The following PTPRD variants were observed in gnomAD, a reference collection of about 807,000 sequenced individuals.
The protein encoded by PTPRD is protein tyrosine phosphatase receptor type D, also known as receptor-type tyrosine-protein phosphatase delta.
In PTPRD, 34 loss-of-function variants were observed where a neutral mutation model predicts 214.5. The observed-to-expected ratio is 0.16, with a 90% CI of 0.12 to 0.21. The LOEUF (loss-of-function observed/expected upper bound fraction) is 0.21. Among genes scored for constraint, PTPRD ranks in the 10% least tolerant of loss-of-function variants. The pLI is 1.00. For synonymous variants in PTPRD, 1,128 were observed against 845.7 expected (o/e 1.33, Z -5.79); for missense variants, 2,545 against 2,398.7 (o/e 1.06, Z -1.27).
intron 9 of PTPRD, among the ~76,000 whole-genome samples, chr9:9,391,725 A>T (rs988677683): frequency 6.6e-6 from 1 of 152,152 alleles, no homozygotes; most frequent in Admixed American, 6.5e-5. Flanking sequence ...TTAAGTAGTA[A>T]AACCAAACTC....
intron 3 of PTPRD, among the ~76,000 whole-genome samples, chr9:10,122,779 C>T (rs2098786578): frequency 6.6e-6 from 1 of 152,134 alleles, no homozygotes; most frequent in South Asian, 2.1e-4. Context: ...ACGAAAGGGA[C>T]CTAAACCATA....
chr9:9,348,935 C>T (rs2050007239), intron 9 of PTPRD, among the ~76,000 whole-genome samples: 1 of 152,020 alleles, frequency 6.6e-6, no homozygotes, highest in Non-Finnish European at 1.5e-5. Flanking sequence ...TTAATTAATT[C>T]AGGAGACTAA....
chr9:8,768,738 T>C (rs915117070), intron 11 of PTPRD, among the ~76,000 whole-genome samples: 2 of 152,148 alleles, frequency 1.3e-5, no homozygotes, highest in Non-Finnish European at 2.9e-5. Context: ...CATAAAGATA[T>C]AGTCCAAAAC....
chr9:10,016,402 T>C (rs1297958288), intron 4 of PTPRD, among the ~76,000 whole-genome samples: 21 of 146,224 alleles, frequency 1.4e-4, no homozygotes, highest in Admixed American at 2.7e-4. Context: ...GATAGACAGA[T>C]AGATAGGGAA....
At chr9:8,408,205 G>A (rs898773796) in intron 35 of PTPRD, among the ~76,000 whole-genome samples, 10 of 152,108 alleles carry the variant, frequency 6.6e-5, no homozygotes, top group Non-Finnish European at 1.5e-4. Flanking sequence ...TGTATTTTCG[G>A]TCAGTCCACC....
chr9:9,449,725 G>A lies in PTPRD; in HGVS notation c.-236-52243C>T, dbSNP rs190543248. Among the ~76,000 whole-genome samples, 508 of 151,778 alleles carry A rather than the reference G, an allele frequency of 3.3e-3. 5 individuals are homozygous for A. The highest frequency in any genetic ancestry group is 0.011 in the African/African-American group (464 of 41,468). ...GACATAACCTCAATTATATCTTATA[G>A]CAGTCATTCTTTTTTTTTAAATTTC... On this transcript the variant is annotated intron_variant, in intron 8 of 45. Coordinates refer to ENST00000381196, the MANE Select transcript of PTPRD (RefSeq NM_002839.4).
intron 11 of PTPRD, among the ~76,000 whole-genome samples, chr9:8,785,308 G>A (rs978404713): frequency 6.6e-6 from 1 of 152,232 alleles, no homozygotes; most frequent in Non-Finnish European, 1.5e-5. Context: ...GATGTTAAGA[G>A]TTAGTGCAAA....
chr9:10,490,330 A>G (rs1015825342), intron 2 of PTPRD, among the ~76,000 whole-genome samples: 3 of 152,192 alleles, frequency 2.0e-5, no homozygotes, highest in Non-Finnish European at 4.4e-5. Context: ...GACAACTAAT[A>G]TATATTTACC....
chr9:8,750,596 G>T (rs10117610), intron 11 of PTPRD, among the ~76,000 whole-genome samples: 19 of 152,274 alleles, frequency 1.2e-4, no homozygotes, highest in Middle Eastern at 3.4e-3. Context: ...CCTAGAGAAG[G>T]GTGGGGCATG....
chr9:10,335,831 G>A (rs11793577), intron 3 of PTPRD, among the ~76,000 whole-genome samples: 1 of 151,756 alleles, frequency 6.6e-6, no homozygotes, highest in Non-Finnish European at 1.5e-5. Context: ...CGGCAAATAA[G>A]CATGTGAAAA....
At chr9:10,162,245 C>T (rs1431577434) in intron 3 of PTPRD, among the ~76,000 whole-genome samples, 1 of 151,394 alleles carries the variant, frequency 6.6e-6, no homozygotes, top group African/African-American at 2.4e-5. Flanking sequence ...ATGTACATTC[C>T]TCATTTACTG....
rs72696634 is a variant in PTPRD, at chr9:8,547,631, G to A, written c.353-18852C>T. Among the ~76,000 whole-genome samples, 322 of 141,868 alleles carry A rather than the reference G, an allele frequency of 2.3e-3. 1 individual carries two copies. The highest frequency in any genetic ancestry group is 4.0e-3 in the Non-Finnish European group (268 of 66,322). 93.1% of individuals were successfully genotyped at this position (141,868 alleles called of 152,430 possible). A position where few individuals can be genotyped will look rare whatever the true frequency, so the allele number is the denominator to read the frequency against. ...GCACTCCAGCCTGCGTGATGAGGTGGAATCCTATTTAAAAAAAAAAAAAAA... is the reference window on the plus strand; with the variant it reads ...GCACTCCAGCCTGCGTGATGAGGTGAAATCCTATTTAAAAAAAAAAAAAAA... On this transcript the variant is annotated intron_variant, in intron 14 of 45. Transcript: ENST00000381196.
chr9:9,154,761 A>C (rs1183541750), intron 10 of PTPRD, among the ~76,000 whole-genome samples: 1 of 152,180 alleles, frequency 6.6e-6, no homozygotes, highest in Non-Finnish European at 1.5e-5. Context: ...AGAAGAGTGT[A>C]ATCTGGTGTA....
intron 9 of PTPRD, among the ~76,000 whole-genome samples, chr9:9,233,894 G>A (rs1411786653): frequency 1.3e-5 from 2 of 152,128 alleles, no homozygotes; most frequent in Non-Finnish European, 2.9e-5. Flanking sequence ...TGCTTTTATG[G>A]GCTGGCATTG....
rs79186972 is a variant in PTPRD, at chr9:8,320,774, A to G, written c.5535-808T>C. On this transcript the variant is annotated intron_variant, in intron 44 of 45. Transcript: ENST00000381196. ...TCTCTGTTGTCTTCATTGTTTTAAG[A>G]TAACTCCAGAATCTTCACGGTAGCA... 5.6e-3 allele frequency among the ~76,000 whole-genome samples: 850 copies of G among 152,180 alleles called. 11 individuals carry two copies. Among genetic ancestry groups the G allele is most frequent in the African/African-American group, 0.019 (798 of 41,554 alleles).
intron 2 of PTPRD, among the ~76,000 whole-genome samples, chr9:10,484,894 G>C (rs910970688): frequency 2.0e-5 from 3 of 151,776 alleles, no homozygotes; most frequent in African/African-American, 7.3e-5. Context: ...TTTTCCTTTA[G>C]ATACCCATGC....
At chr9:9,857,192 C>G (rs1409103713) in intron 5 of PTPRD, among the ~76,000 whole-genome samples, 2 of 152,290 alleles carry the variant, frequency 1.3e-5, no homozygotes, top group African/African-American at 4.8e-5. Context: ...GCTTTGCCCT[C>G]AATGTCTGGC....
chr9:10,179,374 A>G (rs1394032334), intron 3 of PTPRD, among the ~76,000 whole-genome samples: 1 of 152,052 alleles, frequency 6.6e-6, no homozygotes, highest in Non-Finnish European at 1.5e-5. Context: ...AAAGCAGTCA[A>G]TCTAGAAAAC....
chr9:10,107,256 T>C (rs1331769125), intron 3 of PTPRD, among the ~76,000 whole-genome samples: 1 of 151,990 alleles, frequency 6.6e-6, no homozygotes, highest in African/African-American at 2.4e-5. Flanking sequence ...CCAGCAACAT[T>C]GTAGAAATGG....
Sources: allele counts gnomAD v4.1 joint callset (sites outside exome capture counted in the v4.1 genomes callset), GRCh38; gene constraint gnomAD v4.1.1; transcripts MANE v1.5; gene names NCBI Gene and HGNC (gene_info 2026-07-23, HGNC 2026-07-21).